Variants in VCL observed in about 807,000 individuals in gnomAD.
VCL encodes vinculin, also known as epididymis luminal protein 114.
In VCL, 47 loss-of-function variants were observed where a neutral mutation model predicts 125.7. The observed-to-expected ratio is 0.37, with a 90% CI of 0.30 to 0.48. The LOEUF is 0.48. VCL is among the 20% of genes least tolerant of loss of function. The pLI is 0.99. For synonymous variants in VCL, 458 were observed against 514.6 expected (o/e 0.89, Z 1.49); for missense variants, 1,069 against 1,455.5 (o/e 0.73, Z 4.32).
In VCL at chr10:74,105,349, C is replaced by T. The variant is rs1333583289; in HGVS notation, c.2430C>T (p.Asp810=). ...AAGCTGTGGCTGGAAACATTTCCGA[C>T]CCTGGTAAGCAATGCATGGCACTAT... ...DAKAVAGNIS[D]PGLQKSFLDS... The change falls in exon 16 of 22, where the codon GAC becomes GAT. Residue 810 remains aspartate, a synonymous_variant. Coordinates refer to ENST00000211998, the MANE Select transcript of VCL (RefSeq NM_014000.3). 1 of 1,612,048 alleles carries T rather than the reference C, an allele frequency of 6.2e-7. No homozygotes were observed. Among genetic ancestry groups the T allele is most frequent in the African/African-American group, 1.3e-5 (1 of 74,844 alleles).
At position 74,040,066 on chromosome 10, in the gene VCL, G is replaced by A. The variant is rs1012753600; in HGVS notation, c.169-3017G>A. Among the ~76,000 whole-genome samples the A allele has an allele frequency of 7.2e-5, 11 of 152,252 alleles. No homozygotes were observed. In the East Asian group the frequency reaches 1.9e-3, roughly 27 times the overall value. On this transcript the variant is annotated intron_variant, in intron 1 of 21. Coordinates refer to ENST00000211998, the MANE Select transcript of VCL (RefSeq NM_014000.3). Reference sequence around the variant, plus strand: ...TTGTTCTTGCCTAGCTCTTTCATGAGTGACTCCTTCTTAGTTTCAAAGTCT... The same window carrying A: ...TTGTTCTTGCCTAGCTCTTTCATGAATGACTCCTTCTTAGTTTCAAAGTCT...
chr10:74,031,524 A>G (rs557236275), intron 1 of VCL, among the ~76,000 whole-genome samples: 2 of 152,342 alleles, frequency 1.3e-5, no homozygotes, highest in East Asian at 3.9e-4. Context: ...CATGGGAGTA[A>G]ATCTTCATGA....
chr10:74,024,967 A>G (rs1840744974), intron 1 of VCL, among the ~76,000 whole-genome samples: 1 of 152,218 alleles, frequency 6.6e-6, no homozygotes, highest in South Asian at 2.1e-4. Context: ...ACAGAATCAC[A>G]CAATATAACA....
At chr10:74,020,292 A>G (rs914844798) in intron 1 of VCL, among the ~76,000 whole-genome samples, 1 of 152,294 alleles carries the variant, frequency 6.6e-6, no homozygotes, top group South Asian at 2.1e-4. Flanking sequence ...GATCTCATCA[A>G]TGATTTTATT....
intron 1 of VCL, among the ~76,000 whole-genome samples, chr10:74,036,891 G>C (rs956638320): frequency 6.6e-4 from 100 of 150,942 alleles, no homozygotes; most frequent in African/African-American, 2.3e-3. Flanking sequence ...TTTCTTGTTT[G>C]TTCTACTTTT....
chr10:74,106,405 G>A (rs1840135142), intron 16 of VCL, among the ~76,000 whole-genome samples: 1 of 152,028 alleles, frequency 6.6e-6, no homozygotes, highest in Non-Finnish European at 1.5e-5. Context: ...AAATCTGGAG[G>A]GCTTAAGTTG....
At chr10:73,998,408 G>A in intron 1 of VCL, 33 bp downstream of exon 1, 1 of 1,406,872 alleles carries the variant, frequency 7.1e-7, no homozygotes, top group East Asian at 3.0e-5. Flanking sequence ...GGGAGCGGGC[G>A]CGGGAGGTAT....
intron 1 of VCL, among the ~76,000 whole-genome samples, chr10:74,021,328 C>T (rs140108104): frequency 2.3e-4 from 35 of 151,996 alleles, no homozygotes; most frequent in African/African-American, 6.8e-4. Flanking sequence ...AATTTGAGTC[C>T]GTAGAATGAG....
chr10:74,040,189 G>A (rs759420328), intron 1 of VCL, among the ~76,000 whole-genome samples: 6 of 152,020 alleles, frequency 3.9e-5, no homozygotes, highest in Admixed American at 6.6e-5. Flanking sequence ...CCATTATCTG[G>A]AATCATACTT....
chr10:74,089,124 T>G (rs1417211607), intron 8 of VCL, 72 bp from the exon 9 acceptor site: 12 of 1,602,162 alleles, frequency 7.5e-6, no homozygotes, highest in Non-Finnish European at 9.4e-6. Flanking sequence ...CCACATGTAC[T>G]GTGCTATTGG....
At chr10:74,064,682 A>G (rs1841537237) in intron 2 of VCL, among the ~76,000 whole-genome samples, 2 of 152,316 alleles carry the variant, frequency 1.3e-5, no homozygotes, top group Admixed American at 1.3e-4. Context: ...TACTGGGATT[A>G]CAGGCATGAG....
Position 74,083,444 on chromosome 10 carries a change from G to A in VCL, c.953G>A (p.Arg318His), listed in dbSNP as rs1322859960. The change falls in exon 8 of 22, where the codon CGC becomes CAC. Residue 318 changes from arginine to histidine, a missense_variant. By Grantham distance (29) the Arg-to-His change is conservative. This residue lies in a region of VCL where 760 missense variants were observed against 928.9 expected (regional missense o/e 0.82). Coordinates refer to ENST00000211998, the MANE Select transcript of VCL (RefSeq NM_014000.3). ...GGTGAACTCTGTGCAGGCAAAGAAC[G>A]CAGGGAGATTCTGGGAACTTGCAAA... ...KVGELCAGKERREILGTCKML... is the reference protein window; with the variant it reads ...KVGELCAGKEHREILGTCKML... 4 of 1,614,108 alleles carry A rather than the reference G, an allele frequency of 2.5e-6. No individual in the cohort carries two copies. The highest frequency in any genetic ancestry group is 1.1e-5 in the South Asian group (1 of 91,080).
Position 74,097,663 on chromosome 10 carries a change from T to G in VCL, c.1872+331T>G, listed in dbSNP as rs1338128693. Among the ~76,000 whole-genome samples the G allele has an allele frequency of 6.6e-6, 1 of 152,198 alleles. No homozygotes were observed. Among genetic ancestry groups the G allele is most frequent in the East Asian group, 1.9e-4 (1 of 5,198 alleles). On this transcript the variant is annotated intron_variant, in intron 13 of 21. Coordinates refer to ENST00000211998, the MANE Select transcript of VCL (RefSeq NM_014000.3). The surrounding 1 kb of genome is among the most constrained non-coding windows in gnomAD (Gnocchi z 4.1). ...ATGAAAGCTGGCATTTCTATGATTTTCTAGGTCATTTTCTCAGGGTGTGGG... is the reference window on the plus strand; with the variant it reads ...ATGAAAGCTGGCATTTCTATGATTTGCTAGGTCATTTTCTCAGGGTGTGGG...
intron 10 of VCL, 89 bp from the exon 11 acceptor site, chr10:74,094,182 C>T: frequency 1.3e-6 from 2 of 1,511,102 alleles, no homozygotes; most frequent in Non-Finnish European, 1.8e-6. Flanking sequence ...AGCAATTTGT[C>T]ATCCTATTAG....
chr10:74,036,212 G>T (rs1382869392), intron 1 of VCL, among the ~76,000 whole-genome samples: 4 of 151,666 alleles, frequency 2.6e-5, no homozygotes, highest in Admixed American at 6.6e-5. Flanking sequence ...TTTGTTTTTT[G>T]TTTTTTTTAG....
At chr10:74,045,197 CAAAA>C (rs971454175) in intron 2 of VCL, among the ~76,000 whole-genome samples, 11 of 148,150 alleles carry the variant, frequency 7.4e-5, no homozygotes, top group Non-Finnish European at 1.2e-4. Flanking sequence ...AATAAAAAGA[CAAAA>C]AAAGAGAAAT....
intron 2 of VCL, among the ~76,000 whole-genome samples, chr10:74,058,856 C>T (rs1841429502): frequency 6.6e-6 from 1 of 151,924 alleles, no homozygotes; most frequent in South Asian, 2.1e-4. Context: ...TCCAACTAGA[C>T]CGATTGCAAG....
At chr10:74,052,491 C>T (rs962928109) in intron 2 of VCL, among the ~76,000 whole-genome samples, 2 of 151,430 alleles carry the variant, frequency 1.3e-5, no homozygotes, top group South Asian at 2.1e-4. Flanking sequence ...ATTCTCATGC[C>T]TCAGCCCCGC....
intron 10 of VCL, among the ~76,000 whole-genome samples, chr10:74,091,810 A>G (rs12778225): frequency 4.8e-5 from 7 of 145,390 alleles, no homozygotes; most frequent in East Asian, 1.9e-4. Context: ...AAAAAAAAAA[A>G]AAAAGAAAAG....
Sources: allele counts gnomAD v4.1 joint callset (sites outside exome capture counted in the v4.1 genomes callset), GRCh38; gene constraint gnomAD v4.1.1; regional missense constraint gnomAD v4.1.1; non-coding constraint Gnocchi (gnomAD v3.1); transcripts MANE v1.5; gene names NCBI Gene and HGNC (gene_info 2026-07-23, HGNC 2026-07-21).